SLC13A3: variants seen among roughly 807,000 people sequenced by gnomAD.
SLC13A3 encodes solute carrier family 13 member 3, also known as Na(+)/dicarboxylate cotransporter 3.
A neutral mutation model predicts 59.0 loss-of-function variants in SLC13A3; 40 were observed. That is an observed-to-expected ratio of 0.68 (90% CI 0.53 to 0.88). The LOEUF (loss-of-function observed/expected upper bound fraction) is 0.88. SLC13A3 is among the 40% of genes least tolerant of loss of function. The pLI, the probability that SLC13A3 is intolerant of heterozygous loss-of-function variation, is 0.00. For missense variants in SLC13A3, 699 were observed against 783.2 expected (o/e 0.89, Z 1.28); for synonymous variants, 317 against 330.3 (o/e 0.96, Z 0.44).
chr20:46,680,577 G>A (rs915272065), intron 1 of SLC13A3, among the ~76,000 whole-genome samples: 3 of 152,224 alleles, frequency 2.0e-5, no homozygotes, highest in East Asian at 1.9e-4. Flanking sequence ...GCCAGAGCTC[G>A]TGTCCCTTCC....
upstream of SLC13A3, among the ~76,000 whole-genome samples, chr20:46,654,634 A>T (rs926748134): frequency 6.6e-6 from 1 of 152,204 alleles, no homozygotes; most frequent in East Asian, 1.9e-4. Context: ...GGTTCAAGTG[A>T]TTCTCCTGCC....
chr20:46,563,610 A>AAAAGAGAGAG (rs1555874376), intron 11 of SLC13A3, 59 bp from the exon 12 acceptor site: 16 of 560,470 alleles, frequency 2.9e-5, no homozygotes, highest in South Asian at 9.3e-5. Flanking sequence ...CGACCACAGC[A>AAAAGAGAGAG]AGAGGGAGAG....
intron 9 of SLC13A3, among the ~76,000 whole-genome samples, chr20:46,575,959 G>C (rs1409201141): frequency 6.6e-6 from 1 of 152,160 alleles, no homozygotes; most frequent in East Asian, 1.9e-4. Context: ...TCTCCCAACA[G>C]CCCTTGGGCA....
At chr20:46,610,357 C>T in intron 3 of SLC13A3, 89 bp downstream of exon 3, 1 of 1,314,340 alleles carries the variant, frequency 7.6e-7, no homozygotes, top group South Asian at 1.4e-5. Flanking sequence ...AGTGTGCATG[C>T]CCTTGGCCTT....
intron 1 of SLC13A3, among the ~76,000 whole-genome samples, chr20:46,648,915 T>TCTCA (rs753020845): frequency 1.7e-4 from 24 of 145,368 alleles, no homozygotes; most frequent in African/African-American, 5.6e-4. Context: ...TCTCTCTCTC[T>TCTCA]CACACACACA....
chr20:46,650,321 G>A (rs1301400004), intron 1 of SLC13A3, among the ~76,000 whole-genome samples: 1 of 152,148 alleles, frequency 6.6e-6, no homozygotes, highest in African/African-American at 2.4e-5. Flanking sequence ...CACTTGCTGT[G>A]TGACTCTGAG....
intron 8 of SLC13A3, among the ~76,000 whole-genome samples, chr20:46,586,697 C>T (rs1238470920): frequency 6.6e-6 from 1 of 152,206 alleles, no homozygotes; most frequent in Non-Finnish European, 1.5e-5. Flanking sequence ...CATTCACACC[C>T]CCCAATCCAA....
intron 1 of SLC13A3, among the ~76,000 whole-genome samples, chr20:46,637,689 C>G (rs1298192550): frequency 2.0e-5 from 3 of 152,216 alleles, no homozygotes; most frequent in Non-Finnish European, 2.9e-5. Flanking sequence ...AACCCATCAT[C>G]ACAACATTCC....
chr20:46,670,997 G>C (rs1348406210), upstream of SLC13A3, among the ~76,000 whole-genome samples: 1 of 152,002 alleles, frequency 6.6e-6, no homozygotes, highest in Non-Finnish European at 1.5e-5. Context: ...AAGTTATGTT[G>C]GGGACATGAG....
chr20:46,598,798 T>TC (rs202052568), intron 4 of SLC13A3, among the ~76,000 whole-genome samples: 3 of 151,226 alleles, frequency 2.0e-5, no homozygotes, highest in Admixed American at 6.6e-5. Context: ...CATCACTCTC[T>TC]CCCCCCCGAA....
chr20:46,683,920 C>T (rs1411680673), intron 1 of SLC13A3, among the ~76,000 whole-genome samples: 2 of 152,190 alleles, frequency 1.3e-5, no homozygotes, highest in Non-Finnish European at 1.5e-5. Flanking sequence ...CTTGCTTCCA[C>T]TCTTGCCCTC....
At chr20:46,580,053 T>G (rs183054896) in intron 9 of SLC13A3, among the ~76,000 whole-genome samples, 198 of 152,164 alleles carry the variant, frequency 1.3e-3, no homozygotes, top group Admixed American at 4.6e-3. Context: ...GCAACCGGGT[T>G]CAAGCAATTC....
chr20:46,653,149 T>C (rs1407177484), upstream of SLC13A3, among the ~76,000 whole-genome samples: 1 of 152,256 alleles, frequency 6.6e-6, no homozygotes, highest in Non-Finnish European at 1.5e-5. Context: ...AAATTCTAGA[T>C]GTCAGTTCTT....
At position 46,613,488 on chromosome 20, in the gene SLC13A3, G is replaced by A. The variant is rs2062522790; in HGVS notation, c.349C>T (p.Leu117=). Residue 117 remains leucine, a synonymous_variant, in exon 2 of 13, where the codon CTG becomes TTG. Transcript: ENST00000279027. ...GCCGGCTGGACTCCAACAAGCATCA[G>A]GATCTTGAGGGCGATTCGCCGGTGC... ...NLHRRIALKI[L]MLVGVQPARL... 1.2e-6 allele frequency: 2 copies of A among 1,604,992 alleles called. No individual in the cohort carries two copies. Among genetic ancestry groups the A allele is most frequent in the Admixed American group, 3.4e-5 (2 of 59,566 alleles).
intron 1 of SLC13A3, among the ~76,000 whole-genome samples, chr20:46,635,358 C>T (rs572341475): frequency 2.0e-5 from 3 of 152,282 alleles, no homozygotes; most frequent in East Asian, 3.9e-4. Flanking sequence ...AAACCCTCTA[C>T]CGAGGCCAAG....
chr20:46,647,728 C>T (rs1852595103), intron 1 of SLC13A3, among the ~76,000 whole-genome samples: 1 of 152,186 alleles, frequency 6.6e-6, no homozygotes, highest in African/African-American at 2.4e-5. Flanking sequence ...ACAAGCTCAC[C>T]AGTCACCAGG....
intron 3 of SLC13A3, among the ~76,000 whole-genome samples, chr20:46,605,885 A>C (rs1412319672): frequency 6.6e-6 from 1 of 152,210 alleles, no homozygotes; most frequent in East Asian, 1.9e-4. Flanking sequence ...AGGGAAGGTC[A>C]AAAGCCCCCA....
At chr20:46,662,989 T>C (rs1433425557) in intron 1 of SLC13A3, among the ~76,000 whole-genome samples, 1 of 152,178 alleles carries the variant, frequency 6.6e-6, no homozygotes, top group Non-Finnish European at 1.5e-5. Context: ...CTTGAACCAT[T>C]TGAAATAATC....
chr20:46,563,615 G>GAGAGGGAGA, intron 11 of SLC13A3, 64 bp from the exon 12 acceptor site: 1 of 1,425,042 alleles, frequency 7.0e-7, no homozygotes, highest in South Asian at 1.4e-5. Context: ...ACAGCAAGAG[G>GAGAGGGAGA]GAGAGAGAGA....
Sources: allele counts gnomAD v4.1 joint callset (sites outside exome capture counted in the v4.1 genomes callset), GRCh38; gene constraint gnomAD v4.1.1; transcripts MANE v1.5; gene names NCBI Gene and HGNC (gene_info 2026-07-23, HGNC 2026-07-21).